TUSC3: variants seen among roughly 807,000 people sequenced by gnomAD.
TUSC3 encodes the protein dolichyl-diphosphooligosaccharide--protein glycosyltransferase subunit TUSC3.
A neutral mutation model predicts 44.8 loss-of-function variants in TUSC3; 45 were observed. The ratio of observed to expected loss-of-function variants is 1.00; its 90% CI spans 0.79 to 1.29. The LOEUF (loss-of-function observed/expected upper bound fraction) is 1.29, where lower values mean the gene tolerates loss of function less well. Among genes scored for constraint, TUSC3 ranks in the 50% most tolerant of loss-of-function variants. The pLI, the probability that TUSC3 is intolerant of heterozygous loss-of-function variation, is 0.00. For synonymous variants in TUSC3, 212 were observed against 152.9 expected (o/e 1.39, Z -2.85); for missense variants, 519 against 437.9 (o/e 1.19, Z -1.65).
chr8:15,516,665 G>A (rs960437173), intron 2 of TUSC3, among the ~76,000 whole-genome samples: 4 of 152,056 alleles, frequency 2.6e-5, no homozygotes, highest in African/African-American at 9.7e-5. Context: ...CTATTAACCA[G>A]AGGGCAAAAA....
intron 1 of TUSC3, among the ~76,000 whole-genome samples, chr8:15,423,272 G>A (rs1007476451): frequency 2.0e-5 from 3 of 152,168 alleles, no homozygotes; most frequent in African/African-American, 7.2e-5. Flanking sequence ...CTATGATAAT[G>A]AGAGCTGTTT....
At chr8:15,419,473 A>G (rs1369659531) in intron 1 of TUSC3, among the ~76,000 whole-genome samples, 1 of 152,250 alleles carries the variant, frequency 6.6e-6, no homozygotes, top group East Asian at 1.9e-4. Flanking sequence ...ATGTTTATTC[A>G]TAAATTTAGC....
chr8:15,833,549 G>A, the TUSC3 span, among the ~76,000 whole-genome samples: 1 of 152,118 alleles, frequency 6.6e-6, no homozygotes, highest in Non-Finnish European at 1.5e-5. Context: ...AAGATGGACG[G>A]AGCTGGAGGC....
the TUSC3 span, among the ~76,000 whole-genome samples, chr8:15,788,442 G>C: frequency 1.3e-5 from 2 of 151,760 alleles, no homozygotes. Context: ...AGCTACTTGG[G>C]AGGCTGAGGC....
the TUSC3 span, among the ~76,000 whole-genome samples, chr8:15,786,157 G>A: frequency 6.6e-6 from 1 of 152,070 alleles, no homozygotes; most frequent in Admixed American, 6.6e-5. Context: ...GTTTAAGATG[G>A]CAGACTAAGC....
chr8:15,537,692 T>C (rs1475064887), upstream of TUSC3, among the ~76,000 whole-genome samples: 1 of 152,052 alleles, frequency 6.6e-6, no homozygotes, highest in Non-Finnish European at 1.5e-5. Flanking sequence ...GCAGCATGTT[T>C]GGGGAGGATG....
the TUSC3 span, among the ~76,000 whole-genome samples, chr8:15,808,687 A>G: frequency 6.6e-6 from 1 of 152,190 alleles, no homozygotes; most frequent in South Asian, 2.1e-4. Context: ...GTAGCAGGCA[A>G]TTTGCCCAGT....
At chr8:15,437,559 A>C (rs1219732202) in intron 1 of TUSC3, among the ~76,000 whole-genome samples, 1 of 152,246 alleles carries the variant, frequency 6.6e-6, no homozygotes, top group Non-Finnish European at 1.5e-5. Context: ...CTTCAAAAGC[A>C]TTAAGAAACT....
intron 7 of TUSC3, among the ~76,000 whole-genome samples, chr8:15,740,010 A>C (rs999769261): frequency 7.2e-5 from 11 of 152,230 alleles, no homozygotes; most frequent in Admixed American, 2.0e-4. Context: ...TTTTGGAGCT[A>C]AAATTGTAGT....
chr8:15,421,750 G>A (rs904461272), intron 1 of TUSC3, among the ~76,000 whole-genome samples: 2 of 152,080 alleles, frequency 1.3e-5, no homozygotes, highest in South Asian at 2.1e-4. Context: ...AAGAAAATGA[G>A]GTCTCCACGT....
chr8:15,783,606 C>A, the TUSC3 span, among the ~76,000 whole-genome samples: 15 of 152,034 alleles, frequency 9.9e-5, no homozygotes, highest in African/African-American at 3.6e-4. Flanking sequence ...ACAAAAGTGT[C>A]AAGAACACAC....
chr8:15,669,093 A>G (rs1269808065), intron 5 of TUSC3, among the ~76,000 whole-genome samples: 1 of 151,750 alleles, frequency 6.6e-6, no homozygotes, highest in African/African-American at 2.4e-5. Context: ...CCAGGGCCAT[A>G]TCCAGCCATG....
intron 2 of TUSC3, among the ~76,000 whole-genome samples, chr8:15,496,891 A>T (rs1800887325): frequency 6.8e-6 from 1 of 147,290 alleles, no homozygotes; most frequent in East Asian, 1.9e-4. Context: ...AAATTTAGGA[A>T]AAATAAAAAG....
intron 1 of TUSC3, among the ~76,000 whole-genome samples, chr8:15,455,864 G>C (rs989489245): frequency 2.0e-5 from 3 of 152,178 alleles, no homozygotes; most frequent in Non-Finnish European, 4.4e-5. Context: ...ACCAGGCTAG[G>C]AGGATAGAGG....
At chr8:15,748,487 G>A in intron 9 of TUSC3, 22 bp downstream of exon 9, 1 of 1,530,164 alleles carries the variant, frequency 6.5e-7, no homozygotes, top group Non-Finnish European at 9.1e-7. Flanking sequence ...ATACTAACAT[G>A]AATGTTTTTA....
chr8:15,432,670 A>T (rs571429730), intron 1 of TUSC3, among the ~76,000 whole-genome samples: 1 of 152,198 alleles, frequency 6.6e-6, no homozygotes, highest in East Asian at 1.9e-4. Flanking sequence ...CTGTAGTGCT[A>T]TGGTTATGTC....
At chr8:15,644,875 T>G (rs900904292) in intron 2 of TUSC3, among the ~76,000 whole-genome samples, 6 of 152,098 alleles carry the variant, frequency 3.9e-5, no homozygotes, top group African/African-American at 1.4e-4. Flanking sequence ...TTTCCCCAAG[T>G]ATTGTATTTG....
chr8:15,840,464 C>A, the TUSC3 span, among the ~76,000 whole-genome samples: 1 of 152,100 alleles, frequency 6.6e-6, no homozygotes, highest in African/African-American at 2.4e-5. Context: ...AGATATGTAG[C>A]AAGAAACTAA....
intron 2 of TUSC3, among the ~76,000 whole-genome samples, chr8:15,509,723 A>G (rs953176238): frequency 1.3e-5 from 2 of 152,178 alleles, no homozygotes; most frequent in African/African-American, 4.8e-5. Context: ...TTACCTATTC[A>G]TCTCTAAATG....
Sources: gnomAD v4.1 joint callset for allele counts (sites outside exome capture counted in the v4.1 genomes callset) on GRCh38, gnomAD v4.1.1 for gene constraint, MANE v1.5 for transcripts, NCBI Gene and HGNC (gene_info 2026-07-23, HGNC 2026-07-21) for gene names.